Variants in PRL observed in about 807,000 individuals in gnomAD.
PRL encodes the protein prolactin.
PRL carries 24 observed loss-of-function variants against 21.3 expected under a neutral mutation model. The observed-to-expected ratio is 1.13, with a 90% CI of 0.82 to 1.59. PRL has a LOEUF of 1.59. Among genes scored for constraint, PRL ranks in the 40% most tolerant of loss-of-function variants. The probability of loss-of-function intolerance (pLI) is 0.00; values close to 1 mark genes in which losing one functional copy is unlikely to be tolerated. For missense variants in PRL, 243 were observed against 286.9 expected, an observed-to-expected ratio of 0.85 and a Z score of 1.10; for synonymous variants, 118 against 115.7, an observed-to-expected ratio of 1.02 and a Z score of -0.13.
chr6:22,299,355 T>C (rs576807022), upstream of PRL, among the ~76,000 whole-genome samples: 1 of 152,372 alleles, frequency 6.6e-6, no homozygotes, highest in East Asian at 1.9e-4. Flanking sequence ...TCCCATGCTA[T>C]GTTTAGTACC....
upstream of PRL, among the ~76,000 whole-genome samples, chr6:22,302,445 C>A (rs1318101040): frequency 6.6e-6 from 1 of 152,024 alleles, no homozygotes. Flanking sequence ...CTAAAAATGG[C>A]AAATCCCAAT....
upstream of PRL, among the ~76,000 whole-genome samples, chr6:22,301,320 A>G (rs1474526384): frequency 2.0e-5 from 3 of 152,302 alleles, no homozygotes; most frequent in Admixed American, 6.5e-5. Context: ...TTATAATTTA[A>G]AATTCTAATT....
At chr6:22,296,822 T>A (rs1006933908) in intron 1 of PRL, 133 bp downstream of exon 1, 1 of 951,556 alleles carries the variant, frequency 1.1e-6, no homozygotes, top group African/African-American at 1.7e-5. Flanking sequence ...TAAAATTGCT[T>A]TCTAGAGGAA....
chr6:22,293,757 A>G (rs1164260398), intron 2 of PRL, among the ~76,000 whole-genome samples: 2 of 146,752 alleles, frequency 1.4e-5, no homozygotes, highest in African/African-American at 5.1e-5. Flanking sequence ...GCAAGGAAGG[A>G]AGGAAGGGGA....
chr6:22,292,791 A>T, intron 2 of PRL, 146 bp from the exon 3 acceptor site: 1 of 650,818 alleles, frequency 1.5e-6, no homozygotes, highest in Non-Finnish European at 2.6e-6. Flanking sequence ...GAATTAAGAA[A>T]GTAACCCTTT....
In PRL at chr6:22,294,564, C is replaced by CCAG. The variant is rs769969580; in HGVS notation, c.46_48dup (p.Leu16dup). The CCAG allele has an allele frequency of 2.5e-5, 40 of 1,604,794 alleles. 1 individual carries two copies. In the South Asian group the frequency reaches 4.2e-4, roughly 17 times the overall value. ...CTCTGGCACAGGAGCAGGTTTGACA[C>CCAG]CAGCAGCAGCAGGAGGGACCCTGCT... On this transcript the variant is annotated inframe_insertion, in exon 2 of 5. Transcript: ENST00000306482.
At position 22,296,975 on chromosome 6, in the gene PRL, A is replaced by C. The variant is rs761994436; in HGVS notation, c.8T>G (p.Ile3Ser). 5.6e-6 allele frequency: 9 copies of C among 1,613,922 alleles called. No homozygotes were observed. The highest frequency in any genetic ancestry group is 7.6e-6 in the Non-Finnish European group (9 of 1,179,970). MNIKGSPWKGSLL... is the reference protein window; with the variant it reads MNSKGSPWKGSLL... ...CATACCTTTCCATGGCGATCCTTTG[A>C]TGTTCATGTTCGTGATCGTTGCAGG... is the stretch of plus-strand genomic sequence containing the variant. Residue 3 changes from isoleucine (I) to serine (S), a missense_variant, in exon 1 of 5, where the codon ATC (isoleucine) becomes AGC (serine). By Grantham distance (142) the Ile-to-Ser change is moderately radical. Coordinates refer to ENST00000306482, the MANE Select transcript of PRL (RefSeq NM_000948.6).
chr6:22,298,117 A>G (rs964240828), upstream of PRL, among the ~76,000 whole-genome samples: 2 of 152,330 alleles, frequency 1.3e-5, no homozygotes, highest in South Asian at 2.1e-4. Context: ...CTGGTATACC[A>G]TGTAATAAAC....
rs561257938 is a variant in PRL, at chr6:22,296,828, A to T, written c.28+127T>A. 6.4e-5 allele frequency: 65 copies of T among 1,015,196 alleles called. No homozygotes were observed. The East Asian group carries it at 1.7e-3, about 26-fold the overall frequency. The allele number at this position is 1,015,196 out of a possible 1,614,324, so 62.9% of individuals were successfully genotyped here. On this transcript the variant is annotated intron_variant, in intron 1 of 4. Transcript: ENST00000306482. The stretch of plus-strand genomic sequence containing the variant: ...GTGCCCTTGTAAAATTGCTTTCTAG[A>T]GGAAACATAAGATTGTGCTTCTAAA...
intron 2 of PRL, among the ~76,000 whole-genome samples, chr6:22,293,844 T>C (rs1435806930): frequency 6.6e-6 from 1 of 152,144 alleles, no homozygotes; most frequent in Non-Finnish European, 1.5e-5. Flanking sequence ...AAAAAAGCAC[T>C]GGTTTCCAAT....
At chr6:22,298,279 C>T (rs1399994057), upstream of PRL, among the ~76,000 whole-genome samples, 3 of 152,144 alleles carry the variant, frequency 2.0e-5, no homozygotes, top group East Asian at 3.8e-4. Flanking sequence ...ATTCCATTCA[C>T]CTTTTGGAAA....
intron 3 of PRL, among the ~76,000 whole-genome samples, chr6:22,291,565 A>T (rs1352038443): frequency 6.6e-6 from 1 of 152,096 alleles, no homozygotes; most frequent in Admixed American, 6.5e-5. Flanking sequence ...AGCATCATGT[A>T]GGTGCTCAAA....
chr6:22,292,670 T>A (rs748746964), intron 2 of PRL, 25 bp from the exon 3 acceptor site: 1 of 1,588,300 alleles, frequency 6.3e-7, no homozygotes, highest in Admixed American at 1.7e-5. Flanking sequence ...ACAAATTCAA[T>A]TAGTTGGGGT....
At chr6:22,291,398 T>C (rs1378466182) in intron 3 of PRL, among the ~76,000 whole-genome samples, 1 of 152,186 alleles carries the variant, frequency 6.6e-6, no homozygotes, top group Non-Finnish European at 1.5e-5. Context: ...TCAGTTTCCT[T>C]ATCTCAGTGA....
At position 22,288,954 on chromosome 6, in the gene PRL, G is replaced by T. The variant is rs978889579; in HGVS notation, c.492+1220C>A. Among the ~76,000 whole-genome samples, 1 of 151,794 alleles carries T rather than the reference G, an allele frequency of 6.6e-6. No homozygotes were observed. The highest frequency in any genetic ancestry group is 1.5e-5 in the Non-Finnish European group (1 of 67,928). On this transcript the variant is annotated intron_variant, in intron 4 of 4. Transcript: ENST00000306482. The surrounding 1 kb of genome is among the most constrained non-coding windows in gnomAD (Gnocchi z 4.5). ...TGTGTGCATGTGTGTGTGCGTGCGC[G>T]TGTGTGTGCGTGTGTGTATTCATTG...
chr6:22,288,896 G>A lies in PRL; in HGVS notation c.492+1278C>T, dbSNP rs552976550. 4.0e-5 allele frequency among the ~76,000 whole-genome samples: 6 copies of A among 149,666 alleles called. No homozygotes were observed. Among genetic ancestry groups the A allele is most frequent in the Non-Finnish European group, 7.4e-5 (5 of 67,868 alleles). Reference sequence around the variant, plus strand: ...TGTATGCGCGTGCGCGTGTGTGTGCGTGTGTGCGCGCGCGTGTGTGTGCGT... The same window carrying A: ...TGTATGCGCGTGCGCGTGTGTGTGCATGTGTGCGCGCGCGTGTGTGTGCGT... On this transcript the variant is annotated intron_variant, in intron 4 of 4. Transcript: ENST00000306482. This position sits in a 1 kb window ranked among gnomAD's most constrained non-coding sequence, Gnocchi z 4.5.
At chr6:22,291,500 C>T (rs1436406571) in intron 3 of PRL, among the ~76,000 whole-genome samples, 3 of 152,044 alleles carry the variant, frequency 2.0e-5, no homozygotes, top group Non-Finnish European at 4.4e-5. Flanking sequence ...ACAAGTTGAG[C>T]ATTCCTAATT....
intron 2 of PRL, among the ~76,000 whole-genome samples, chr6:22,293,737 G>A (rs1761113703): frequency 1.4e-5 from 1 of 72,388 alleles, no homozygotes; most frequent in South Asian, 5.4e-4. Flanking sequence ...AAGGGAGGGA[G>A]GGAGGGGAAG....
chr6:22,293,759 G>A (rs528158879), intron 2 of PRL, among the ~76,000 whole-genome samples: 22 of 144,592 alleles, frequency 1.5e-4, no homozygotes, highest in African/African-American at 2.9e-4. Flanking sequence ...AAGGAAGGAA[G>A]GAAGGGGAAT....
Sources: gnomAD v4.1 joint callset for allele counts (sites outside exome capture counted in the v4.1 genomes callset) on GRCh38, gnomAD v4.1.1 for gene constraint, Gnocchi (gnomAD v3.1) non-coding constraint, MANE v1.5 for transcripts, NCBI Gene and HGNC (gene_info 2026-07-23, HGNC 2026-07-21) for gene names.